The following MTBP variants were observed in gnomAD, a reference collection of about 807,000 sequenced individuals.
The protein encoded by MTBP is mdm2-binding protein.
A neutral mutation model predicts 117.0 loss-of-function variants in MTBP; 101 were observed. The ratio of observed to expected loss-of-function variants is 0.86; its 90% CI spans 0.73 to 1.02. The LOEUF (loss-of-function observed/expected upper bound fraction) is 1.02. Among genes scored for constraint, MTBP ranks in the 50% least tolerant of loss-of-function variants. The pLI, the probability that MTBP is intolerant of heterozygous loss-of-function variation, is 0.00. For missense variants in MTBP, 970 were observed against 1,030.9 expected (o/e 0.94, Z 0.81); for synonymous variants, 350 against 351.5 (o/e 1.00, Z 0.05).
intron 17 of MTBP, 33 bp downstream of exon 17, chr8:120,510,062 T>TCAACAACATACAGAA: frequency 2.8e-6 from 4 of 1,418,908 alleles, no homozygotes; most frequent in South Asian, 1.2e-5. Context: ...CTCTTCTGTA[T>TCAACAACATACAGAA]GTTGTTGATA....
In MTBP at chr8:120,521,482, C is replaced by A. The variant is rs973915516; in HGVS notation, c.2611-1172C>A. ...ACCTGAATCCATCCATGACGTTCTC[C>A]CTAACATCAGTTCTCCCTAACATCA... On this transcript the variant is annotated intron_variant, in intron 20 of 21. Coordinates refer to ENST00000305949, the MANE Select transcript of MTBP (RefSeq NM_022045.5). Among the ~76,000 whole-genome samples, 111 of 152,102 alleles carry A rather than the reference C, an allele frequency of 7.3e-4. 1 individual carries two copies. Among genetic ancestry groups the A allele is most frequent in the African/African-American group, 2.6e-3 (106 of 41,544 alleles).
At chr8:120,488,424 T>G (rs577767232) in intron 12 of MTBP, 92 bp downstream of exon 12, 1 of 930,476 alleles carries the variant, frequency 1.1e-6, no homozygotes, top group Non-Finnish European at 1.5e-6. Context: ...TACTAAACAT[T>G]TAATGAATTT....
chr8:120,462,562 A>G (rs180692381), intron 9 of MTBP, among the ~76,000 whole-genome samples: 19 of 152,298 alleles, frequency 1.2e-4, no homozygotes, highest in Non-Finnish European at 2.6e-4. Flanking sequence ...TACTGTTGAG[A>G]ACCATTTAGC....
chr8:120,471,949 T>C (rs559519176), intron 11 of MTBP: 10 of 152,210 alleles, frequency 6.6e-5, no homozygotes, highest in Non-Finnish European at 1.5e-4. Flanking sequence ...ATGAGGTGAT[T>C]CTGGCTTAGA....
Position 120,455,439 on chromosome 8 carries a change from A to AGCAATGGTAGATATAATACTGTT in MTBP, c.492_514dup (p.Leu172GlnfsTer3). On this transcript the variant is annotated frameshift_variant, in exon 6 of 22. Transcript: ENST00000305949. LOFTEE classifies it high-confidence loss of function. ...AATGCCTTTTTCTCTTTCTAGGTAG[A>AGCAATGGTAGATATAATACTGTT]GCAATGGTAGATATAATACTGTTGC... 6.3e-7 allele frequency: 1 copy of AGCAATGGTAGATATAATACTGTT among 1,593,716 alleles called. No homozygotes were observed. Among genetic ancestry groups the AGCAATGGTAGATATAATACTGTT allele is most frequent in the South Asian group, 1.2e-5 (1 of 86,934 alleles).
At chr8:120,501,921 C>G (rs986265511) in intron 14 of MTBP, among the ~76,000 whole-genome samples, 2 of 152,166 alleles carry the variant, frequency 1.3e-5, no homozygotes, top group African/African-American at 4.8e-5. Flanking sequence ...CACTCTTACA[C>G]ATAATATTTG....
Position 120,490,515 on chromosome 8 carries a change from A to G in MTBP, c.1392A>G (p.Val464=), listed in dbSNP as rs1408981314. Residue 464 remains valine (V), a synonymous_variant, in exon 13 of 22, where the codon GTA becomes GTG. Transcript: ENST00000305949. ...SLPHFSGEQI[V]QREKQLANVQ... The stretch of plus-strand genomic sequence containing the variant: ...CACATTTTTCTGGGGAGCAGATTGT[A>G]CAGAGAGAGAAACAGTTAGCTAATG... 1 of 1,609,664 alleles carries G rather than the reference A, an allele frequency of 6.2e-7. No homozygotes were observed. The highest frequency in any genetic ancestry group is 8.5e-7 in the Non-Finnish European group (1 of 1,178,888).
intron 11 of MTBP, among the ~76,000 whole-genome samples, chr8:120,483,144 C>A (rs1814129944): frequency 6.6e-6 from 1 of 151,464 alleles, no homozygotes; most frequent in East Asian, 1.9e-4. Context: ...GGGTATCAGG[C>A]TAGGAAATAC....
intron 7 of MTBP, among the ~76,000 whole-genome samples, chr8:120,458,400 C>G (rs553356457): frequency 1.3e-5 from 2 of 152,306 alleles, no homozygotes; most frequent in Admixed American, 1.3e-4. Context: ...AGAGTAACCA[C>G]TCAGTAAGCA....
At chr8:120,463,359 A>C (rs1048090060) in intron 9 of MTBP, among the ~76,000 whole-genome samples, 1 of 152,192 alleles carries the variant, frequency 6.6e-6, no homozygotes, top group African/African-American at 2.4e-5. Flanking sequence ...AACATTTTAT[A>C]TAAAAAGAAA....
At chr8:120,501,784 A>G (rs967272272) in intron 14 of MTBP, among the ~76,000 whole-genome samples, 1 of 152,212 alleles carries the variant, frequency 6.6e-6, no homozygotes, top group African/African-American at 2.4e-5. Context: ...GTTTGAATAT[A>G]TTAATACTAT....
intron 20 of MTBP, among the ~76,000 whole-genome samples, chr8:120,519,044 G>A (rs995879010): frequency 1.1e-4 from 16 of 151,706 alleles, no homozygotes; most frequent in East Asian, 3.9e-4. Context: ...TTCCCCTAAT[G>A]TGCATTTGAC....
chr8:120,481,178 C>T (rs192525010), intron 11 of MTBP, among the ~76,000 whole-genome samples: 357 of 152,292 alleles, frequency 2.3e-3, no homozygotes, highest in Middle Eastern at 3.4e-3. Context: ...AAAACAGTGA[C>T]TATCAAATGT....
intron 17 of MTBP, among the ~76,000 whole-genome samples, chr8:120,511,193 G>T (rs530154508): frequency 6.6e-6 from 1 of 152,286 alleles, no homozygotes; most frequent in South Asian, 2.1e-4. Flanking sequence ...CCTTTAACAT[G>T]AAAAAGGTAG....
chr8:120,474,046 C>T (rs549635405), intron 11 of MTBP: 31 of 151,834 alleles, frequency 2.0e-4, no homozygotes, highest in African/African-American at 7.0e-4. Flanking sequence ...TTAACTTAGG[C>T]GTGGGGGTTT....
intron 8 of MTBP, among the ~76,000 whole-genome samples, chr8:120,459,843 A>G (rs1813546876): frequency 6.6e-6 from 1 of 152,166 alleles, no homozygotes; most frequent in African/African-American, 2.4e-5. Flanking sequence ...ATAGTACCTG[A>G]CATATGCTTA....
intron 12 of MTBP, among the ~76,000 whole-genome samples, chr8:120,488,849 T>C (rs1446074463): frequency 6.6e-6 from 1 of 152,160 alleles, no homozygotes; most frequent in Non-Finnish European, 1.5e-5. Flanking sequence ...ATGATTACAG[T>C]CACATACAAC....
chr8:120,487,938 A>G (rs1282845958), intron 11 of MTBP, among the ~76,000 whole-genome samples: 1 of 152,260 alleles, frequency 6.6e-6, no homozygotes, highest in Non-Finnish European at 1.5e-5. Context: ...ATGAGTACAC[A>G]TACTTTTAAT....
At chr8:120,502,076 G>A (rs1814597784) in intron 14 of MTBP, among the ~76,000 whole-genome samples, 1 of 152,110 alleles carries the variant, frequency 6.6e-6, no homozygotes, top group African/African-American at 2.4e-5. Flanking sequence ...TTTAAACAAT[G>A]TAATTTTTTG....
Sources: allele counts gnomAD v4.1 joint callset (sites outside exome capture counted in the v4.1 genomes callset), GRCh38; gene constraint gnomAD v4.1.1; transcripts MANE v1.5; gene names NCBI Gene and HGNC (gene_info 2026-07-23, HGNC 2026-07-21).